Variants in ZNG1E observed in about 807,000 individuals in gnomAD.
ZNG1E encodes zinc-regulated GTPase metalloprotein activator 1E.
At chr9:65,663,410 T>C in the ZNG1E span, among the ~76,000 whole-genome samples, 1 of 151,834 alleles carries the variant, frequency 6.6e-6, no homozygotes, top group Non-Finnish European at 1.5e-5. Context: ...CATCTTATAG[T>C]ATAGGTTCTG....
the ZNG1E span, chr9:65,703,544 A>C: frequency 1.0e-6 from 1 of 960,314 alleles, no homozygotes; most frequent in Non-Finnish European, 1.2e-6. Context: ...ATGTTATCTT[A>C]ATTTCAGAAA....
At chr9:65,717,470 C>G in the ZNG1E span, among the ~76,000 whole-genome samples, 1 of 148,844 alleles carries the variant, frequency 6.7e-6, no homozygotes, top group African/African-American at 2.6e-5. Context: ...CTCGATGATC[C>G]TTTTCTTCTT....
chr9:65,657,183 G>C, the ZNG1E span, among the ~76,000 whole-genome samples: 4 of 152,088 alleles, frequency 2.6e-5, no homozygotes, highest in African/African-American at 9.6e-5. Context: ...ACTAAAAATA[G>C]AACCATCATA....
the ZNG1E span, among the ~76,000 whole-genome samples, chr9:65,662,999 T>G: frequency 3.9e-5 from 6 of 152,362 alleles, no homozygotes; most frequent in African/African-American, 1.4e-4. Flanking sequence ...TCATTTAAGA[T>G]AGTGAAATGA....
At chr9:65,665,469 A>T in the ZNG1E span, among the ~76,000 whole-genome samples, 1 of 152,250 alleles carries the variant, frequency 6.6e-6, no homozygotes. Context: ...AACTCCGCCT[A>T]GATATCAGAA....
chr9:65,700,834 T>A, the ZNG1E span: 41 of 149,536 alleles, frequency 2.7e-4, 1 homozygote, highest in Non-Finnish European at 5.0e-4. Flanking sequence ...TGGTCTCAGT[T>A]TTCCCTGAAC....
the ZNG1E span, among the ~76,000 whole-genome samples, chr9:65,684,552 A>ACACGCACACACT: frequency 2.7e-5 from 1 of 37,300 alleles, no homozygotes; most frequent in African/African-American, 1.1e-4. Flanking sequence ...ACACGCACGC[A>ACACGCACACACT]CACACACACA....
chr9:65,722,697 A>ATTTTTTTTTTTTTTTTTTTTTTT, the ZNG1E span, among the ~76,000 whole-genome samples: 1 of 8,396 alleles, frequency 1.2e-4, no homozygotes, highest in African/African-American at 4.9e-4. Context: ...TGCCTAGCTA[A>ATTTTTTTTTTTTTTTTTTTTTTT]TTTTTTTTTT....
chr9:65,662,634 T>TAACAA, the ZNG1E span, among the ~76,000 whole-genome samples: 35 of 151,060 alleles, frequency 2.3e-4, no homozygotes, highest in East Asian at 1.4e-3. Context: ...AAGAAATTAA[T>TAACAA]GGTGAAGTGG....
the ZNG1E span, among the ~76,000 whole-genome samples, chr9:65,662,472 A>T: frequency 1.3e-5 from 2 of 152,220 alleles, no homozygotes; most frequent in African/African-American, 4.8e-5. Flanking sequence ...TAGTGATAGT[A>T]AGATATTAAC....
At chr9:65,658,662 G>A in the ZNG1E span, among the ~76,000 whole-genome samples, 1 of 148,952 alleles carries the variant, frequency 6.7e-6, no homozygotes, top group East Asian at 1.9e-4. Flanking sequence ...ATATTAGTTT[G>A]CTAGAGCTGC....
the ZNG1E span, chr9:65,704,636 G>C: frequency 1.1e-6 from 1 of 927,174 alleles, no homozygotes; most frequent in Non-Finnish European, 1.3e-6. Context: ...ATTTGGGCTG[G>C]GTGCGGTGGC....
the ZNG1E span, among the ~76,000 whole-genome samples, chr9:65,666,963 G>A: frequency 0.053 from 7,601 of 142,802 alleles, no homozygotes; most frequent in Non-Finnish European, 0.078. Flanking sequence ...TGGGATTACA[G>A]GAGTGTGCTA....
the ZNG1E span, among the ~76,000 whole-genome samples, chr9:65,693,876 G>A: frequency 4.7e-5 from 7 of 149,852 alleles, no homozygotes; most frequent in African/African-American, 1.8e-4. Flanking sequence ...TAATGTTTAA[G>A]TTTGCTTTTT....
the ZNG1E span, among the ~76,000 whole-genome samples, chr9:65,709,365 A>G: frequency 1.3e-5 from 2 of 150,292 alleles, no homozygotes; most frequent in African/African-American, 2.5e-5. Context: ...ATTTATTATT[A>G]TTATACTTTA....
chr9:65,700,092 C>T, the ZNG1E span, among the ~76,000 whole-genome samples: 5 of 147,508 alleles, frequency 3.4e-5, no homozygotes, highest in African/African-American at 1.0e-4. Context: ...AACTGAATCA[C>T]TCCTATAGAG....
chr9:65,660,344 T>C, the ZNG1E span, among the ~76,000 whole-genome samples: 1 of 134,232 alleles, frequency 7.4e-6, no homozygotes, highest in Non-Finnish European at 1.6e-5. Context: ...CAATAAAAAC[T>C]CATTAAAAAT....
chr9:65,691,823 T>A, the ZNG1E span, among the ~76,000 whole-genome samples: 1 of 150,418 alleles, frequency 6.6e-6, no homozygotes, highest in African/African-American at 2.4e-5. Context: ...TAAGCGACTA[T>A]GTTTTCTCCC....
chr9:65,659,082 G>A, the ZNG1E span, among the ~76,000 whole-genome samples: 1 of 152,222 alleles, frequency 6.6e-6, no homozygotes, highest in Admixed American at 6.5e-5. Context: ...AAAATCCTAT[G>A]TGTTTCCGTG....
Sources: gnomAD v4.1 joint callset for allele counts (sites outside exome capture counted in the v4.1 genomes callset) on GRCh38, gnomAD v4.1.1 for gene constraint, MANE v1.5 for transcripts, NCBI Gene and HGNC (gene_info 2026-07-23, HGNC 2026-07-21) for gene names.